Variants in MACROD1 observed in about 807,000 individuals in gnomAD.
MACROD1 encodes ADP-ribose glycohydrolase MACROD1.
MACROD1 carries 31 observed loss-of-function variants against 41.4 expected under a neutral mutation model. The ratio of observed to expected loss-of-function variants is 0.75; its 90% CI spans 0.56 to 1.01. The LOEUF (loss-of-function observed/expected upper bound fraction) is 1.01, where lower values mean the gene tolerates loss of function less well. MACROD1 is among the 50% of genes least tolerant of loss of function. The probability of loss-of-function intolerance (pLI) is 0.00; values close to 1 mark genes in which losing one functional copy is unlikely to be tolerated. For synonymous variants in MACROD1, 252 were observed against 203.4 expected (o/e 1.24, Z -2.03); for missense variants, 473 against 460.0 (o/e 1.03, Z -0.26).
intron 3 of MACROD1, among the ~76,000 whole-genome samples, chr11:64,129,650 A>G (rs530096865): frequency 6.6e-6 from 1 of 152,276 alleles, no homozygotes; most frequent in South Asian, 2.1e-4. Context: ...AAGTGCCCCC[A>G]GGTCCAGCAC....
chr11:64,012,751 G>C (rs1353928168), intron 4 of MACROD1, among the ~76,000 whole-genome samples: 2 of 152,178 alleles, frequency 1.3e-5, no homozygotes, highest in Non-Finnish European at 2.9e-5. Flanking sequence ...GGCCAGGCTG[G>C]TCTCGAACTC....
chr11:64,029,624 C>T (rs1321767646), intron 3 of MACROD1, among the ~76,000 whole-genome samples: 2 of 152,038 alleles, frequency 1.3e-5, no homozygotes, highest in Non-Finnish European at 2.9e-5. Context: ...GGAGGCCCTT[C>T]CCAGCCCACC....
At chr11:64,114,052 A>G in intron 3 of MACROD1, among the ~76,000 whole-genome samples, 1 of 130,984 alleles carries the variant, frequency 7.6e-6, no homozygotes, top group Admixed American at 7.1e-5. Flanking sequence ...GCATGGGTTG[A>G]TGCATGGATG....
intron 3 of MACROD1, among the ~76,000 whole-genome samples, chr11:64,108,197 C>T (rs1018131719): frequency 2.6e-5 from 4 of 151,904 alleles, no homozygotes; most frequent in African/African-American, 9.7e-5. Context: ...CCTGTAATCA[C>T]AGCTACGCGG....
At chr11:64,149,200 A>G (rs1366384219) in intron 3 of MACROD1, among the ~76,000 whole-genome samples, 1 of 152,182 alleles carries the variant, frequency 6.6e-6, no homozygotes, top group South Asian at 2.1e-4. Context: ...TTTCAGCACC[A>G]GTGCGAGGTG....
At chr11:64,041,214 A>T (rs962487929) in intron 3 of MACROD1, among the ~76,000 whole-genome samples, 2 of 148,856 alleles carry the variant, frequency 1.3e-5, no homozygotes, top group Non-Finnish European at 3.0e-5. Context: ...AAAAAAAAAA[A>T]AAAAAAAAAA....
chr11:64,094,484 G>A (rs544473438), intron 3 of MACROD1, among the ~76,000 whole-genome samples: 26 of 152,048 alleles, frequency 1.7e-4, no homozygotes, highest in African/African-American at 6.3e-4. Flanking sequence ...GGACAAGGAA[G>A]GGTCAGGGAA....
chr11:64,137,682 T>A (rs932155597), intron 3 of MACROD1, among the ~76,000 whole-genome samples: 8 of 151,976 alleles, frequency 5.3e-5, no homozygotes, highest in African/African-American at 1.9e-4. Flanking sequence ...TGAGCCGTAG[T>A]TCCTCGGAAG....
At position 64,005,022 on chromosome 11, in the gene MACROD1, C is replaced by CTTTATTTATTTA. The variant is rs60973367; in HGVS notation, c.548-4691_548-4680dup. Among the ~76,000 whole-genome samples the CTTTATTTATTTA allele has an allele frequency of 1.9e-3, 285 of 147,668 alleles. 1 individual carries two copies. Among genetic ancestry groups the CTTTATTTATTTA allele is most frequent in the African/African-American group, 5.5e-3 (218 of 39,838 alleles). ...GAGGAGGAGCAGAAACTAAGATCCA[C>CTTTATTTATTTA]TTTATTTATTTATTTATTTATTTAT... On this transcript the variant is annotated intron_variant, in intron 4 of 10. Coordinates refer to ENST00000255681, the MANE Select transcript of MACROD1 (RefSeq NM_014067.4).
At chr11:64,072,341 T>C (rs1590869252) in intron 3 of MACROD1, among the ~76,000 whole-genome samples, 1 of 151,958 alleles carries the variant, frequency 6.6e-6, no homozygotes, top group Admixed American at 6.5e-5. Flanking sequence ...CCTTTGGGGG[T>C]TGCCTCTGGC....
At chr11:64,091,689 G>A (rs1406840047) in intron 3 of MACROD1, among the ~76,000 whole-genome samples, 1 of 152,208 alleles carries the variant, frequency 6.6e-6, no homozygotes, top group Non-Finnish European at 1.5e-5. Context: ...GGGCACAGCT[G>A]CTGAAGTTGC....
intron 1 of MACROD1, among the ~76,000 whole-genome samples, chr11:64,164,652 T>C (rs1945808206): frequency 6.6e-6 from 1 of 152,250 alleles, no homozygotes; most frequent in Admixed American, 6.5e-5. Flanking sequence ...GTAAATCATT[T>C]TGATTTCCAC....
intron 3 of MACROD1, among the ~76,000 whole-genome samples, chr11:64,109,632 C>T (rs1033550217): frequency 2.0e-5 from 3 of 152,138 alleles, no homozygotes; most frequent in African/African-American, 7.2e-5. Flanking sequence ...AACCCTCTTA[C>T]CTCCCCGGAC....
intron 1 of MACROD1, among the ~76,000 whole-genome samples, chr11:64,164,311 C>T (rs988376154): frequency 2.6e-5 from 4 of 152,248 alleles, no homozygotes; most frequent in East Asian, 1.9e-4. Context: ...TCACAAGGTC[C>T]GGTTGCTTTC....
At chr11:64,083,530 C>A in intron 3 of MACROD1, among the ~76,000 whole-genome samples, 1 of 152,200 alleles carries the variant, frequency 6.6e-6, no homozygotes, top group South Asian at 2.1e-4. Flanking sequence ...ATCCCGTCTC[C>A]CTCCCTCCTC....
At position 64,160,053 on chromosome 11, in the gene MACROD1, G is replaced by A. The variant is rs565241689; in HGVS notation, c.298+5644C>T. On this transcript the variant is annotated intron_variant, in intron 1 of 10. Coordinates refer to ENST00000255681, the MANE Select transcript of MACROD1 (RefSeq NM_014067.4). ...GAGGACAAGCTGGGCCATGGGCTGG[G>A]CATCCTTCCATGGGTCCAGAGCAGG... Among the ~76,000 whole-genome samples the A allele has an allele frequency of 1.6e-3, 247 of 152,262 alleles. 4 individuals are homozygous for A. The Middle Eastern group carries it at 0.034, about 21-fold the overall frequency.
chr11:64,163,644 G>GGAAGCCCATCCTCCAGCCCTAAC (rs1945790214), intron 1 of MACROD1, among the ~76,000 whole-genome samples: 2 of 152,208 alleles, frequency 1.3e-5, no homozygotes, highest in Non-Finnish European at 2.9e-5. Flanking sequence ...GAGCTGTTTA[G>GGAAGCCCATCCTCCAGCCCTAAC]GAAGCCCATC....
At chr11:64,086,025 G>C (rs567574636) in intron 3 of MACROD1, among the ~76,000 whole-genome samples, 1 of 152,116 alleles carries the variant, frequency 6.6e-6, no homozygotes, top group South Asian at 2.1e-4. Context: ...GGGTGGGGGT[G>C]GAGGTGGCCA....
intron 3 of MACROD1, among the ~76,000 whole-genome samples, chr11:64,125,701 C>T (rs1354293301): frequency 6.6e-6 from 1 of 152,212 alleles, no homozygotes; most frequent in Non-Finnish European, 1.5e-5. Context: ...CTGAGAGATC[C>T]GGTGGCTGCC....
Sources: allele counts gnomAD v4.1 joint callset (sites outside exome capture counted in the v4.1 genomes callset), GRCh38; gene constraint gnomAD v4.1.1; transcripts MANE v1.5; gene names NCBI Gene and HGNC (gene_info 2026-07-23, HGNC 2026-07-21).